TPO: variants seen among roughly 807,000 people sequenced by gnomAD.
TPO encodes thyroid peroxidase.
Under a neutral mutation model 96.9 loss-of-function variants are expected in TPO, and 78 were observed. That is an observed-to-expected ratio of 0.81 (90% CI 0.67 to 0.97). The LOEUF (loss-of-function observed/expected upper bound fraction) is 0.97. TPO is among the 50% of genes least tolerant of loss of function. The pLI, the probability that TPO is intolerant of heterozygous loss-of-function variation, is 0.00. For synonymous variants in TPO, 547 were observed against 538.0 expected (o/e 1.02, Z -0.23); for missense variants, 1,252 against 1,274.8 (o/e 0.98, Z 0.27).
intron 7 of TPO, among the ~76,000 whole-genome samples, chr2:1,461,649 C>T (rs760402562): frequency 1.3e-5 from 2 of 152,236 alleles, no homozygotes; most frequent in African/African-American, 4.8e-5. Context: ...CGTGACCGCC[C>T]GTACACCTGT....
intron 7 of TPO, among the ~76,000 whole-genome samples, chr2:1,461,821 C>T (rs533431377): frequency 3.3e-5 from 5 of 152,278 alleles, no homozygotes; most frequent in South Asian, 2.1e-4. Flanking sequence ...TGCTGACATG[C>T]GGACCCTGTG....
At chr2:1,409,258 G>A (rs1662291925), upstream of TPO, among the ~76,000 whole-genome samples, 1 of 152,182 alleles carries the variant, frequency 6.6e-6, no homozygotes. Flanking sequence ...TGAATGTGGA[G>A]CTTTTTGTGG....
chr2:1,499,976 T>C (rs1672716554), intron 13 of TPO, among the ~76,000 whole-genome samples: 1 of 152,224 alleles, frequency 6.6e-6, no homozygotes, highest in South Asian at 2.1e-4. Flanking sequence ...CTGTGAGTGC[T>C]CAGGAGCCGT....
chr2:1,503,598 C>T (rs976838028), intron 13 of TPO, among the ~76,000 whole-genome samples: 2 of 152,158 alleles, frequency 1.3e-5, no homozygotes, highest in Admixed American at 1.3e-4. Context: ...CCTGCCCCAC[C>T]CTCACCCTGG....
At chr2:1,386,591 G>A (rs1294735840) in intron 1 of TPO, among the ~76,000 whole-genome samples, 1 of 151,698 alleles carries the variant, frequency 6.6e-6, no homozygotes, top group Non-Finnish European at 1.5e-5. Context: ...CCTTTATTTT[G>A]AGCCTATGTG....
intron 1 of TPO, among the ~76,000 whole-genome samples, chr2:1,400,486 G>A (rs1336252404): frequency 6.8e-6 from 1 of 146,236 alleles, no homozygotes; most frequent in East Asian, 2.1e-4. Flanking sequence ...AGCTGAGATC[G>A]CACCATTGCA....
chr2:1,496,509 C>A, intron 12 of TPO, 86 bp from the exon 13 acceptor site: 1 of 1,585,510 alleles, frequency 6.3e-7, no homozygotes, highest in Non-Finnish European at 8.6e-7. Flanking sequence ...CCCTCCAGGG[C>A]ACAAGCGCAC....
At chr2:1,471,353 C>T (rs1443088351) in intron 7 of TPO, among the ~76,000 whole-genome samples, 1 of 152,056 alleles carries the variant, frequency 6.6e-6, no homozygotes. Context: ...TCACATTTCT[C>T]ACCCTCTTAT....
intron 11 of TPO, among the ~76,000 whole-genome samples, chr2:1,494,307 C>T (rs951234444): frequency 1.1e-4 from 16 of 152,226 alleles, no homozygotes; most frequent in African/African-American, 3.9e-4. Context: ...CAAGCAGGCA[C>T]CTAACTAAAC....
chr2:1,410,320 A>G (rs974651137), upstream of TPO, among the ~76,000 whole-genome samples: 1 of 152,192 alleles, frequency 6.6e-6, no homozygotes, highest in African/African-American at 2.4e-5. Context: ...ATGGCAAGTA[A>G]AAAAGGCAAC....
chr2:1,512,654 C>T (rs1050480178), intron 14 of TPO, among the ~76,000 whole-genome samples: 3 of 152,226 alleles, frequency 2.0e-5, no homozygotes, highest in Non-Finnish European at 4.4e-5. Flanking sequence ...GCTTCCTCTC[C>T]GACAGCTGCC....
intron 14 of TPO, among the ~76,000 whole-genome samples, chr2:1,508,965 T>G (rs1242341171): frequency 6.6e-6 from 1 of 152,226 alleles, no homozygotes; most frequent in African/African-American, 2.4e-5. Flanking sequence ...CTAGTTCTTT[T>G]AATTGTGATG....
At chr2:1,461,491 G>A (rs1274288366) in intron 7 of TPO, among the ~76,000 whole-genome samples, 1 of 152,182 alleles carries the variant, frequency 6.6e-6, no homozygotes, top group East Asian at 1.9e-4. Flanking sequence ...TGCCTCAGGG[G>A]AGGAATTGGC....
At chr2:1,394,247 T>C (rs951394096) in intron 1 of TPO, among the ~76,000 whole-genome samples, 3 of 152,250 alleles carry the variant, frequency 2.0e-5, no homozygotes, top group African/African-American at 7.2e-5. Context: ...AATATTGACA[T>C]CTTATACATT....
At chr2:1,422,851 TG>T (rs1284664012) in intron 2 of TPO, among the ~76,000 whole-genome samples, 193 bp from the exon 3 acceptor site, 1 of 151,954 alleles carries the variant, frequency 6.6e-6, no homozygotes, top group East Asian at 1.9e-4. Context: ...CTCCGTGCAG[TG>T]GGGGTGGACG....
Position 1,384,928 on chromosome 2 carries a change from T to C in TPO, n.180+10526T>C, listed in dbSNP as rs549649173. On this transcript the variant is annotated intron_variant and non_coding_transcript_variant, in intron 1 of 5. Transcript: ENST00000497517. ...TGAGAGTTTTTAGCATGAAAGGCTGTTGAATTTTGTCAAAGGCCTTTTCTG... is the reference window on the plus strand; with the variant it reads ...TGAGAGTTTTTAGCATGAAAGGCTGCTGAATTTTGTCAAAGGCCTTTTCTG... Among the ~76,000 whole-genome samples the C allele has an allele frequency of 2.0e-3, 310 of 152,356 alleles. 1 individual carries two copies. Among genetic ancestry groups the C allele is most frequent in the Non-Finnish European group, 3.5e-3 (239 of 68,038 alleles).
At chr2:1,513,998 T>C (rs192358826) in intron 14 of TPO, among the ~76,000 whole-genome samples, 2 of 152,312 alleles carry the variant, frequency 1.3e-5, no homozygotes, top group East Asian at 3.9e-4. Flanking sequence ...TACATGTGCT[T>C]CTAGCTCTAT....
At position 1,540,614 on chromosome 2, in the gene TPO, C is replaced by G; in HGVS notation, c.2639C>G (p.Ser880Cys). 1 of 1,613,624 alleles carries G rather than the reference C, an allele frequency of 6.2e-7. No homozygotes were observed. The highest frequency in any genetic ancestry group is 8.5e-7 in the Non-Finnish European group (1 of 1,180,026). Residue 880 changes from serine to cysteine, a missense_variant, in exon 16 of 17, where the codon TCC becomes TGC. Physicochemically the swap from Ser to Cys is moderately radical, Grantham distance 112 (BLOSUM62 -1). Transcript: ENST00000329066. The part of the protein sequence containing the change: ...ICRWTRTGTK[S>C]TLPISETGGG... ...CACAGGACACGCACTGGCACTAAATCCACACTGCCCATCTCGGAGACAGGC... is the reference window on the plus strand; with the variant it reads ...CACAGGACACGCACTGGCACTAAATGCACACTGCCCATCTCGGAGACAGGC...
chr2:1,376,137 C>T (rs756727407), intron 1 of TPO, among the ~76,000 whole-genome samples: 3 of 152,158 alleles, frequency 2.0e-5, no homozygotes, highest in Non-Finnish European at 4.4e-5. Context: ...GTATTTTCTT[C>T]GTAAATCCAA....
Sources: gnomAD v4.1 joint callset for allele counts (sites outside exome capture counted in the v4.1 genomes callset) on GRCh38, gnomAD v4.1.1 for gene constraint, MANE v1.5 for transcripts, NCBI Gene and HGNC (gene_info 2026-07-23, HGNC 2026-07-21) for gene names.